DOCK4: variants seen among roughly 807,000 people sequenced by gnomAD.
The protein encoded by DOCK4 is dedicator of cytokinesis protein 4.
DOCK4 carries 97 observed loss-of-function variants against 268.1 expected under a neutral mutation model. The observed-to-expected ratio is 0.36, with a 90% CI of 0.31 to 0.43. The LOEUF is 0.43. DOCK4 is among the 20% of genes least tolerant of loss of function. The pLI is 1.00. For synonymous variants in DOCK4, 954 were observed against 887.2 expected, an observed-to-expected ratio of 1.08 and a Z score of -1.34; for missense variants, 2,145 against 2,455.7, an observed-to-expected ratio of 0.87 and a Z score of 2.67.
intron 32 of DOCK4, among the ~76,000 whole-genome samples, chr7:111,788,239 T>C (rs947831201): frequency 1.3e-5 from 2 of 152,214 alleles, no homozygotes; most frequent in African/African-American, 4.8e-5. Flanking sequence ...GAAGAACAGA[T>C]GCAAACTAGG....
intron 22 of DOCK4, among the ~76,000 whole-genome samples, chr7:111,866,119 A>G (rs1370963284): frequency 6.6e-6 from 1 of 152,224 alleles, no homozygotes; most frequent in African/African-American, 2.4e-5. Flanking sequence ...CATTAAGCTT[A>G]TGGTCATTTG....
chr7:111,736,317 T>C (rs1483457640), intron 50 of DOCK4, among the ~76,000 whole-genome samples: 1 of 152,180 alleles, frequency 6.6e-6, no homozygotes, highest in East Asian at 1.9e-4. Flanking sequence ...ACCCCGTAGC[T>C]GAGGAAATCG....
chr7:112,188,747 T>C (rs1296173659), intron 1 of DOCK4, among the ~76,000 whole-genome samples: 4 of 152,352 alleles, frequency 2.6e-5, no homozygotes, highest in African/African-American at 9.6e-5. Flanking sequence ...AGCCTCATTT[T>C]AAGTCAGTGG....
intron 1 of DOCK4, among the ~76,000 whole-genome samples, chr7:112,064,088 G>A (rs540609443): frequency 3.9e-4 from 59 of 152,268 alleles, no homozygotes; most frequent in African/African-American, 1.3e-3. Context: ...CAGGTTCAAG[G>A]CACCCATTTA....
At chr7:112,042,590 G>C (rs569049379) in intron 1 of DOCK4, among the ~76,000 whole-genome samples, 9 of 152,304 alleles carry the variant, frequency 5.9e-5, no homozygotes, top group African/African-American at 2.2e-4. Flanking sequence ...GTATTTAGTT[G>C]ATATGCATAA....
chr7:112,119,036 A>G (rs561377469), intron 1 of DOCK4, among the ~76,000 whole-genome samples: 1 of 152,324 alleles, frequency 6.6e-6, no homozygotes, highest in South Asian at 2.1e-4. Flanking sequence ...GACCAGAGCT[A>G]GTCACTTTGG....
At chr7:111,733,863 G>T (rs1244113785) in intron 51 of DOCK4, among the ~76,000 whole-genome samples, 1 of 152,178 alleles carries the variant, frequency 6.6e-6, no homozygotes, top group Non-Finnish European at 1.5e-5. Flanking sequence ...TTTCTTTGAA[G>T]ACCTCATATG....
At chr7:112,186,418 C>T (rs1291676274) in intron 1 of DOCK4, among the ~76,000 whole-genome samples, 2 of 152,138 alleles carry the variant, frequency 1.3e-5, no homozygotes, top group Non-Finnish European at 2.9e-5. Flanking sequence ...TGATCCTGGA[C>T]AGGTTCTAGA....
intron 13 of DOCK4, 125 bp downstream of exon 13, chr7:111,915,654 T>A: frequency 1.1e-6 from 1 of 905,726 alleles, no homozygotes; most frequent in Non-Finnish European, 1.6e-6. Context: ...GTCACATACC[T>A]CATTTCATTC....
chr7:111,764,222 T>C (rs1381229203), intron 39 of DOCK4, among the ~76,000 whole-genome samples: 1 of 152,170 alleles, frequency 6.6e-6, no homozygotes. Flanking sequence ...GATCTACCTA[T>C]CTGTCTTTTT....
At chr7:111,899,680 T>G (rs1382829865) in intron 15 of DOCK4, among the ~76,000 whole-genome samples, 1 of 152,310 alleles carries the variant, frequency 6.6e-6, no homozygotes, top group African/African-American at 2.4e-5. Flanking sequence ...CCCAGCACTT[T>G]GGGAGGCCGA....
chr7:111,917,971 C>G (rs953313573), intron 12 of DOCK4, among the ~76,000 whole-genome samples: 2 of 152,008 alleles, frequency 1.3e-5, no homozygotes, highest in African/African-American at 4.8e-5. Context: ...CCCTTTTACT[C>G]TCTTTCAATA....
Position 111,901,836 on chromosome 7 carries a change from A to G in DOCK4, c.1193-35T>C, listed in dbSNP as rs182024587. The G allele has an allele frequency of 2.8e-6, 4 of 1,450,896 alleles. No individual in the cohort carries two copies. In the East Asian group the frequency reaches 9.8e-5, roughly 36 times the overall value. 89.9% of individuals were successfully genotyped at this position (1,450,896 alleles called of 1,614,324 possible). A position where few individuals can be genotyped will look rare whatever the true frequency, so the allele number is the denominator to read the frequency against. On this transcript the variant is annotated intron_variant, in intron 13 of 52. Transcript: ENST00000428084. ...AAGGAAAATTAAAACCATGTTATAT[A>G]TATATGAGGAAATGTAATAAAGTGC...
chr7:111,917,565 G>A (rs1474202477), intron 12 of DOCK4, among the ~76,000 whole-genome samples: 1 of 151,954 alleles, frequency 6.6e-6, no homozygotes, highest in African/African-American at 2.4e-5. Flanking sequence ...AATTAGCCCA[G>A]CGTGGTGGCA....
chr7:111,742,168 A>G (rs1247328136), intron 44 of DOCK4, 36 bp from the exon 45 acceptor site: 1 of 1,532,908 alleles, frequency 6.5e-7, no homozygotes, highest in Non-Finnish European at 8.8e-7. Context: ...CCTCACATCA[A>G]TGACTACCTC....
At chr7:112,059,737 G>A (rs1563044128) in intron 1 of DOCK4, among the ~76,000 whole-genome samples, 1 of 152,126 alleles carries the variant, frequency 6.6e-6, no homozygotes, top group African/African-American at 2.4e-5. Context: ...AAAGAGGGGG[G>A]AAAAAGTCAT....
At chr7:111,833,711 A>G (rs1349899550) in intron 26 of DOCK4, among the ~76,000 whole-genome samples, 1 of 152,172 alleles carries the variant, frequency 6.6e-6, no homozygotes, top group Non-Finnish European at 1.5e-5. Flanking sequence ...AGATCATACA[A>G]TATTTTCCAG....
intron 39 of DOCK4, among the ~76,000 whole-genome samples, chr7:111,763,986 TTGC>T (rs1797616636): frequency 6.6e-6 from 1 of 152,208 alleles, no homozygotes; most frequent in African/African-American, 2.4e-5. Flanking sequence ...CTGTGCCCAC[TTGC>T]TGCTGTTTTT....
chr7:112,044,500 A>G (rs1804660407), intron 1 of DOCK4, among the ~76,000 whole-genome samples: 1 of 152,038 alleles, frequency 6.6e-6, no homozygotes, highest in Admixed American at 6.6e-5. Flanking sequence ...GTCTTAGTAA[A>G]TTTTTATCTT....
Sources: gnomAD v4.1 joint callset for allele counts (sites outside exome capture counted in the v4.1 genomes callset) on GRCh38, gnomAD v4.1.1 for gene constraint, MANE v1.5 for transcripts, NCBI Gene and HGNC (gene_info 2026-07-23, HGNC 2026-07-21) for gene names.